Variants in B3GALT1 observed in about 807,000 individuals in gnomAD.
The protein encoded by B3GALT1 is beta-1,3-galactosyltransferase 1.
In B3GALT1, 10 loss-of-function variants were observed where a neutral mutation model predicts 23.2. The ratio of observed to expected loss-of-function variants is 0.43; its 90% CI spans 0.27 to 0.73. The LOEUF (loss-of-function observed/expected upper bound fraction) is 0.73, where lower values mean the gene tolerates loss of function less well. B3GALT1 is among the 30% of genes least tolerant of loss of function. The probability of loss-of-function intolerance (pLI) is 0.21; values close to 1 mark genes in which losing one functional copy is unlikely to be tolerated. For missense variants in B3GALT1, 299 were observed against 405.4 expected, an observed-to-expected ratio of 0.74 and a Z score of 2.25; for synonymous variants, 156 against 141.5, an observed-to-expected ratio of 1.10 and a Z score of -0.73.
At chr2:167,513,931 G>T (rs927097854) in intron 2 of B3GALT1, among the ~76,000 whole-genome samples, 1 of 151,962 alleles carries the variant, frequency 6.6e-6, no homozygotes, top group Non-Finnish European at 1.5e-5. Flanking sequence ...TCTTGAGACA[G>T]AGTCTCTCTC....
chr2:167,567,602 A>C (rs925294103), intron 2 of B3GALT1, among the ~76,000 whole-genome samples: 2 of 152,022 alleles, frequency 1.3e-5, no homozygotes, highest in Non-Finnish European at 2.9e-5. Context: ...TTTTATTTTC[A>C]CACCAAAATT....
At chr2:167,796,857 T>G (rs948711015) in intron 3 of B3GALT1, among the ~76,000 whole-genome samples, 4 of 152,310 alleles carry the variant, frequency 2.6e-5, no homozygotes, top group Admixed American at 6.5e-5. Flanking sequence ...ATATGATAGA[T>G]TATAGTAGAC....
rs1183223677 is a variant in B3GALT1, at chr2:167,672,271, G to T, written c.-352+25305G>T. 2.6e-5 allele frequency among the ~76,000 whole-genome samples: 4 copies of T among 151,968 alleles called. No individual in the cohort carries two copies. The East Asian group carries it at 7.7e-4, about 29-fold the overall frequency. ...TCATGTTAGCCCTATGAACCATGGT[G>T]CCAGCTGCATACCAACACAACCTAA... On this transcript the variant is annotated intron_variant, in intron 3 of 4. Transcript: ENST00000392690.
intron 1 of B3GALT1, among the ~76,000 whole-genome samples, chr2:167,415,741 C>A (rs1297876072): frequency 1.3e-5 from 2 of 152,158 alleles, no homozygotes; most frequent in Non-Finnish European, 2.9e-5. Flanking sequence ...TCAGATAGAA[C>A]TGAGGAACAA....
At chr2:167,814,707 G>C (rs555766097) in intron 3 of B3GALT1, 2 of 152,470 alleles carry the variant, frequency 1.3e-5, no homozygotes, top group Non-Finnish European at 2.9e-5. Context: ...GCAGTGAGCC[G>C]AGAGCGTGCC....
intron 2 of B3GALT1, among the ~76,000 whole-genome samples, chr2:167,523,693 G>A (rs144421153): frequency 1.2e-3 from 188 of 152,200 alleles, no homozygotes; most frequent in African/African-American, 4.2e-3. Flanking sequence ...CTGAAGTGCT[G>A]GGATGACAGG....
chr2:167,334,204 C>T (rs547270504), intron 1 of B3GALT1, among the ~76,000 whole-genome samples: 72 of 152,108 alleles, frequency 4.7e-4, no homozygotes, highest in Non-Finnish European at 9.9e-4. Flanking sequence ...TGACTTTACT[C>T]TGCACAAAAG....
At chr2:167,455,346 A>C (rs1468792461) in intron 1 of B3GALT1, among the ~76,000 whole-genome samples, 1 of 152,210 alleles carries the variant, frequency 6.6e-6, no homozygotes, top group Non-Finnish European at 1.5e-5. Flanking sequence ...TGAAAATCTT[A>C]TCATTTTGGG....
At chr2:167,555,730 T>A (rs564653313) in intron 2 of B3GALT1, among the ~76,000 whole-genome samples, 11 of 152,184 alleles carry the variant, frequency 7.2e-5, no homozygotes, top group Non-Finnish European at 1.6e-4. Context: ...TGAAATAGCA[T>A]GTGATAGAAA....
At chr2:167,635,764 A>G (rs987567828) in intron 2 of B3GALT1, among the ~76,000 whole-genome samples, 1 of 152,184 alleles carries the variant, frequency 6.6e-6, no homozygotes. Flanking sequence ...AAACGGCCAT[A>G]CTGACCAAAG....
chr2:167,362,700 CTT>C (rs778533904), intron 1 of B3GALT1, among the ~76,000 whole-genome samples: 10 of 151,638 alleles, frequency 6.6e-5, no homozygotes, highest in Non-Finnish European at 1.0e-4. Flanking sequence ...TTTTTTTCCT[CTT>C]GTCTCCTTTT....
At chr2:167,315,643 A>G (rs1427248790) in intron 1 of B3GALT1, among the ~76,000 whole-genome samples, 4 of 152,120 alleles carry the variant, frequency 2.6e-5, no homozygotes, top group Non-Finnish European at 5.9e-5. Flanking sequence ...TTCAAAATGT[A>G]TTTTCTCCCT....
chr2:167,337,838 G>C (rs1697083112), intron 1 of B3GALT1, among the ~76,000 whole-genome samples: 1 of 152,090 alleles, frequency 6.6e-6, no homozygotes, highest in South Asian at 2.1e-4. Context: ...GTATGCATTT[G>C]TTTCCCCCAG....
intron 4 of B3GALT1, among the ~76,000 whole-genome samples, chr2:167,845,404 G>A (rs931576050): frequency 6.6e-6 from 1 of 152,152 alleles, no homozygotes; most frequent in Non-Finnish European, 1.5e-5. Context: ...GCCCATAGAC[G>A]ATTCATATCA....
intron 3 of B3GALT1, among the ~76,000 whole-genome samples, chr2:167,667,146 G>A (rs1179168573): frequency 6.6e-6 from 1 of 151,870 alleles, no homozygotes; most frequent in Non-Finnish European, 1.5e-5. Flanking sequence ...GGCAGGCCTG[G>A]TGGTGACAAA....
Position 167,819,838 on chromosome 2 carries a change from C to T in B3GALT1, c.-230+1045C>T, listed in dbSNP as rs1273679148. 2.0e-5 allele frequency among the ~76,000 whole-genome samples: 3 copies of T among 152,182 alleles called. No individual in the cohort carries two copies. The East Asian group carries it at 5.8e-4, about 29-fold the overall frequency. On this transcript the variant is annotated intron_variant, in intron 4 of 4. Transcript: ENST00000392690. ...TTTACAAAATTCATAGTAATTTGCA[C>T]TGGATATGTTGGTTTTCACAGCCTT...
At chr2:167,536,031 C>T (rs549748896) in intron 2 of B3GALT1, among the ~76,000 whole-genome samples, 1 of 152,242 alleles carries the variant, frequency 6.6e-6, no homozygotes. Context: ...TCAAGCAATT[C>T]TCGTGCCTCA....
At chr2:167,454,114 T>C (rs540104797) in intron 1 of B3GALT1, among the ~76,000 whole-genome samples, 1 of 152,368 alleles carries the variant, frequency 6.6e-6, no homozygotes, top group African/African-American at 2.4e-5. Context: ...TTGTAAATTG[T>C]ATATTTGTAT....
chr2:167,389,278 C>A (rs16853556), intron 1 of B3GALT1, among the ~76,000 whole-genome samples: 4,882 of 152,094 alleles, frequency 0.032, 250 homozygotes, highest in African/African-American at 0.11. Context: ...TGCAAGTCAG[C>A]GAACAAATTC....
Sources: allele counts gnomAD v4.1 joint callset (sites outside exome capture counted in the v4.1 genomes callset), GRCh38; gene constraint gnomAD v4.1.1; transcripts MANE v1.5; gene names NCBI Gene and HGNC (gene_info 2026-07-23, HGNC 2026-07-21).